LRP1: variants seen among roughly 807,000 people sequenced by gnomAD.
LRP1 encodes the protein LDL receptor related protein 1, also known as prolow-density lipoprotein receptor-related protein 1.
LRP1 carries 51 observed loss-of-function variants against 541.5 expected under a neutral mutation model. The observed-to-expected ratio is 0.09, with a 90% CI of 0.08 to 0.12. The LOEUF is 0.12. Ranked by LOEUF, LRP1 falls within the 10% of genes least tolerant of loss-of-function variation. The pLI is 1.00. For synonymous variants in LRP1, 2,219 were observed against 2,470.8 expected, an observed-to-expected ratio of 0.90 and a Z score of 3.02; for missense variants, 3,878 against 6,376.2, an observed-to-expected ratio of 0.61 and a Z score of 13.34.
chr12:57,177,286 C>T lies in LRP1; in HGVS notation c.4196+41C>T. ...AGCCTTCTCCTGGCCCCATGGCCCC[C>T]CTGAAGTCCCATTCAGCCTGGCCAG... On this transcript the variant is annotated intron_variant, in intron 25 of 88. Transcript: ENST00000243077. This position sits in a 1 kb window ranked among gnomAD's most constrained non-coding sequence, Gnocchi z 6.8. The T allele has an allele frequency of 6.2e-7, 1 of 1,604,116 alleles. No individual in the cohort carries two copies. Among genetic ancestry groups the T allele is most frequent in the Non-Finnish European group, 8.5e-7 (1 of 1,172,368 alleles).
At position 57,180,067 on chromosome 12, in the gene LRP1, G is replaced by T; in HGVS notation, c.5162G>T (p.Gly1721Val). ...CCCAGGAAGCTCTACTGGACCGATG[G>T]TGACAACATCAGCATGGCCAACATG... ...PLRGKLYWTDGDNISMANMDG... is the reference protein window; with the variant it reads ...PLRGKLYWTDVDNISMANMDG... The change falls in exon 31 of 89, where the codon GGT (glycine) becomes GTT (valine). Residue 1721 changes from glycine to valine, a missense_variant. Transcript: ENST00000243077. The T allele has an allele frequency of 6.2e-7, 1 of 1,613,956 alleles. No homozygotes were observed. The highest frequency in any genetic ancestry group is 8.5e-7 in the Non-Finnish European group (1 of 1,180,006).
Position 57,206,647 on chromosome 12 carries a change from G to A in LRP1, c.11765G>A (p.Gly3922Asp). Reference sequence around the variant, plus strand: ...GTCTATTGGACCAACTGGCACACGGGCACCATCTCCTACCGCAGCCTGCCA... The same window carrying A: ...GTCTATTGGACCAACTGGCACACGGACACCATCTCCTACCGCAGCCTGCCA... Reference protein sequence around the residue: ...GRVYWTNWHTGTISYRSLPPA... With the variant: ...GRVYWTNWHTDTISYRSLPPA... The change falls in exon 76 of 89, where the codon GGC becomes GAC. Residue 3922 changes from glycine (G) to aspartate (D), a missense_variant. Physicochemically the swap from Gly to Asp is moderately conservative, Grantham distance 94. Coordinates refer to ENST00000243077, the MANE Select transcript of LRP1 (RefSeq NM_002332.3). This position sits in a 1 kb window ranked among gnomAD's most constrained non-coding sequence, Gnocchi z 4.7. 1 of 1,614,018 alleles carries A rather than the reference G, an allele frequency of 6.2e-7. No homozygotes were observed. The highest frequency in any genetic ancestry group is 8.5e-7 in the Non-Finnish European group (1 of 1,180,028).
rs762377718 is a variant in LRP1, at chr12:57,203,512, G to A, written c.10942G>A (p.Gly3648Ser). Residue 3648 changes from glycine to serine, a missense_variant, in exon 70 of 89, where the codon GGC becomes AGC. Coordinates refer to ENST00000243077, the MANE Select transcript of LRP1 (RefSeq NM_002332.3). ...CMDGSDEEACGTGVRTCPLDE... is the reference protein window; with the variant it reads ...CMDGSDEEACSTGVRTCPLDE... ...GGACGGCAGCGACGAGGAGGCCTGCGGCACTGGCGGTGCGCCCCTTGGCTT... is the reference window on the plus strand; with the variant it reads ...GGACGGCAGCGACGAGGAGGCCTGCAGCACTGGCGGTGCGCCCCTTGGCTT... 6.5e-6 allele frequency: 10 copies of A among 1,541,892 alleles called. No individual in the cohort carries two copies. The highest frequency in any genetic ancestry group is 2.7e-5 in the African/African-American group (2 of 73,030).
Position 57,173,227 on chromosome 12 carries a change from T to C in LRP1, c.3223T>C (p.Cys1075Arg). The C allele has an allele frequency of 6.2e-7, 1 of 1,613,942 alleles. No individual in the cohort carries two copies. The highest frequency in any genetic ancestry group is 1.6e-4 in the Middle Eastern group (1 of 6,062). Reference protein sequence around the residue: ...DEFQCRLDGLCIPLRWRCDGD... With the variant: ...DEFQCRLDGLRIPLRWRCDGD... ...GTTCCAGTGCCGGCTGGATGGACTA[T>C]GCATCCCCCTGCGGTGGCGCTGCGA... Residue 1075 changes from cysteine to arginine, a missense_variant, in exon 21 of 89, where the codon TGC (cysteine) becomes CGC (arginine). Physicochemically the swap from Cys to Arg is radical, Grantham distance 180. Coordinates refer to ENST00000243077, the MANE Select transcript of LRP1 (RefSeq NM_002332.3). This position sits in a 1 kb window ranked among gnomAD's most constrained non-coding sequence, Gnocchi z 4.7.
intron 34 of LRP1, among the ~76,000 whole-genome samples, chr12:57,182,909 T>A (rs1239761383): frequency 6.6e-6 from 1 of 150,710 alleles, no homozygotes; most frequent in Non-Finnish European, 1.5e-5. Flanking sequence ...CCTTAGGGGG[T>A]TGAGTTTTTG....
At position 57,204,594 on chromosome 12, in the gene LRP1, A is replaced by G. The variant is rs1239000890; in HGVS notation, c.11072-33A>G. The G allele has an allele frequency of 3.7e-6, 6 of 1,612,476 alleles. 1 individual carries two copies. The Admixed American group carries it at 1.0e-4, about 27-fold the overall frequency. Reference sequence around the variant, plus strand: ...AGCAACCACCCCCACTCCCAAGACTAATTCTGGCTCTGTGTCCCCCTGGCT... The same window carrying G: ...AGCAACCACCCCCACTCCCAAGACTGATTCTGGCTCTGTGTCCCCCTGGCT... On this transcript the variant is annotated intron_variant, in intron 71 of 88. Coordinates refer to ENST00000243077, the MANE Select transcript of LRP1 (RefSeq NM_002332.3). This position sits in a 1 kb window ranked among gnomAD's most constrained non-coding sequence, Gnocchi z 5.3.
At chr12:57,203,617 T>C (rs1307437376) in intron 70 of LRP1, 96 bp downstream of exon 70, 1 of 1,357,964 alleles carries the variant, frequency 7.4e-7, no homozygotes, top group Non-Finnish European at 9.7e-7. Flanking sequence ...TCTGTATTCA[T>C]TCTTCATGCA....
Position 57,201,254 on chromosome 12 carries a change from G to A in LRP1, c.10345+101G>A. On this transcript the variant is annotated intron_variant, in intron 65 of 88. Coordinates refer to ENST00000243077, the MANE Select transcript of LRP1 (RefSeq NM_002332.3). The surrounding 1 kb of genome is among the most constrained non-coding windows in gnomAD (Gnocchi z 6.4). ...TTTGAGAGGCTCTCAAATAACTTTA[G>A]TAGATGGGCAACACAAATTATATTG... The A allele has an allele frequency of 6.5e-7, 1 of 1,542,752 alleles. No individual in the cohort carries two copies. Among genetic ancestry groups the A allele is most frequent in the Non-Finnish European group, 8.9e-7 (1 of 1,128,570 alleles).
At position 57,197,025 on chromosome 12, in the gene LRP1, C is replaced by T. The variant is rs1225426739; in HGVS notation, c.8936C>T (p.Thr2979Met). The change falls in exon 56 of 89, where the codon ACG becomes ATG. Residue 2979 changes from threonine to methionine, a missense_variant. This residue lies in a region of LRP1 where 1,100 missense variants were observed against 1,827.4 expected (regional missense o/e 0.60). Coordinates refer to ENST00000243077, the MANE Select transcript of LRP1 (RefSeq NM_002332.3). The surrounding 1 kb of genome is among the most constrained non-coding windows in gnomAD (Gnocchi z 4.5). ...PGFRLKDDGR[T>M]CADVDECSTT... The stretch of plus-strand genomic sequence containing the variant: ...TTCCGGCTGAAGGACGACGGCCGGA[C>T]GTGTGCTGATGTGGACGAGTGCAGC... The T allele has an allele frequency of 3.7e-6, 6 of 1,613,668 alleles. No individual in the cohort carries two copies. The highest frequency in any genetic ancestry group is 2.2e-5 in the East Asian group (1 of 44,892).
intron 1 of LRP1, among the ~76,000 whole-genome samples, chr12:57,138,112 C>T (rs1019002671): frequency 5.3e-5 from 8 of 152,124 alleles, no homozygotes. Flanking sequence ...AATGCACCCC[C>T]CTTCACCATC....
rs1451295628 is a variant in LRP1 at position 57,166,983 on chromosome 12, A to G, written c.2851A>G (p.Ile951Val). 6 of 1,613,894 alleles carry G rather than the reference A, an allele frequency of 3.7e-6. No homozygotes were observed. Among genetic ancestry groups the G allele is most frequent in the East Asian group, 2.2e-5 (1 of 44,858 alleles). ...CTGTGCCAGTGGCCGCTGCATCCCCATCTCCTGGACGTGTGATCTGGATGA... is the reference window on the plus strand; with the variant it reads ...CTGTGCCAGTGGCCGCTGCATCCCCGTCTCCTGGACGTGTGATCTGGATGA... Reference protein sequence around the residue: ...FSCASGRCIPISWTCDLDDDC... With the variant: ...FSCASGRCIPVSWTCDLDDDC... The change falls in exon 18 of 89, where the codon ATC (isoleucine) becomes GTC (valine). Residue 951 changes from isoleucine to valine, a missense_variant. This residue lies in a region of LRP1 where 320 missense variants were observed against 547.9 expected (regional missense o/e 0.58). Transcript: ENST00000243077.
At chr12:57,194,942 C>T (rs746166816) in intron 50 of LRP1, 43 bp from the exon 51 acceptor site, 8 of 1,524,828 alleles carry the variant, frequency 5.2e-6, no homozygotes, top group Non-Finnish European at 6.4e-6. Context: ...AGGTGGGTGA[C>T]CCCCACCCTT....
In LRP1 at chr12:57,177,408, AC is replaced by A; in HGVS notation, c.4197-15del. 2.5e-6 allele frequency: 4 copies of A among 1,576,614 alleles called. No homozygotes were observed. Among genetic ancestry groups the A allele is most frequent in the Middle Eastern group, 2.1e-4 (1 of 4,858 alleles). ...GAGGGCCCTGACTTTAGCCCTCCTGACCCCTCCCCACTCCCCAGGATCCTGT... is the reference window on the plus strand; with the variant it reads ...GAGGGCCCTGACTTTAGCCCTCCTGACCCTCCCCACTCCCCAGGATCCTGT... On this transcript the variant is annotated intron_variant, in intron 25 of 88. Coordinates refer to ENST00000243077, the MANE Select transcript of LRP1 (RefSeq NM_002332.3). This position sits in a 1 kb window ranked among gnomAD's most constrained non-coding sequence, Gnocchi z 6.8.
At chr12:57,166,036 C>G (rs764322364) in intron 16 of LRP1, 48 bp from the exon 17 acceptor site, 30 of 1,613,312 alleles carry the variant, frequency 1.9e-5, no homozygotes, top group Admixed American at 3.3e-5. Context: ...GGGCAGGAAG[C>G]TGGGGGCACC....
chr12:57,156,303 C>T lies in LRP1; in HGVS notation c.1417+20C>T. 1 of 1,611,824 alleles carries T rather than the reference C, an allele frequency of 6.2e-7. No individual in the cohort carries two copies. Among genetic ancestry groups the T allele is most frequent in the Non-Finnish European group, 8.5e-7 (1 of 1,178,836 alleles). Reference sequence around the variant, plus strand: ...CCCGAGGTGAGCAGGGCTCCATGGCCCCTCCAAAGCTGGCTTTACCCCATG... The same window carrying T: ...CCCGAGGTGAGCAGGGCTCCATGGCTCCTCCAAAGCTGGCTTTACCCCATG... On this transcript the variant is annotated intron_variant, in intron 9 of 88. Coordinates refer to ENST00000243077, the MANE Select transcript of LRP1 (RefSeq NM_002332.3). The surrounding 1 kb of genome is among the most constrained non-coding windows in gnomAD (Gnocchi z 5.2).
Position 57,200,551 on chromosome 12 carries a change from G to A in LRP1, c.10108+16G>A, listed in dbSNP as rs1298399016. ...CCGGACTGCCGTGAGTGCCTGCTGG[G>A]GGTGACAGGAGGGCCCCCAGCTGTG... On this transcript the variant is annotated intron_variant, in intron 63 of 88. Coordinates refer to ENST00000243077, the MANE Select transcript of LRP1 (RefSeq NM_002332.3). The A allele has an allele frequency of 6.2e-7, 1 of 1,611,190 alleles. No individual in the cohort carries two copies.
At chr12:57,166,048 A>G in intron 16 of LRP1, 36 bp from the exon 17 acceptor site, 1 of 1,613,692 alleles carries the variant, frequency 6.2e-7, no homozygotes. Flanking sequence ...GGGGGCACCC[A>G]ACTTCTCGCT....
At chr12:57,196,666 C>G (rs781027750) in intron 55 of LRP1, among the ~76,000 whole-genome samples, 3 of 152,114 alleles carry the variant, frequency 2.0e-5, no homozygotes, top group Admixed American at 1.3e-4. Context: ...GTCTGAGCCC[C>G]GAGCTGAGCA....
chr12:57,154,063 C>T lies in LRP1; in HGVS notation c.842-145C>T, dbSNP rs934222581. 2.3e-5 allele frequency: 16 copies of T among 707,698 alleles called. No homozygotes were observed. Among genetic ancestry groups the T allele is most frequent in the Non-Finnish European group, 3.9e-5 (16 of 411,548 alleles). The allele number at this position is 707,698 out of a possible 1,614,324, so 43.8% of individuals were successfully genotyped here. On this transcript the variant is annotated intron_variant, in intron 6 of 88. Coordinates refer to ENST00000243077, the MANE Select transcript of LRP1 (RefSeq NM_002332.3). This position sits in a 1 kb window ranked among gnomAD's most constrained non-coding sequence, Gnocchi z 4.6. ...CATTTACGCAAGCCCTCCTGTATAT[C>T]CACTCTGAGCTAAGCATGGGGGTGT...
Sources: allele counts gnomAD v4.1 joint callset (sites outside exome capture counted in the v4.1 genomes callset), GRCh38; gene constraint gnomAD v4.1.1; regional missense constraint gnomAD v4.1.1; non-coding constraint Gnocchi (gnomAD v3.1); transcripts MANE v1.5; gene names NCBI Gene and HGNC (gene_info 2026-07-23, HGNC 2026-07-21).